Variants in MEOX2 observed in about 807,000 individuals in gnomAD.
MEOX2 encodes the protein homeobox protein MOX-2.
In MEOX2, 11 loss-of-function variants were observed where a neutral mutation model predicts 27.0. That is an observed-to-expected ratio of 0.41 (90% CI 0.26 to 0.68). The LOEUF (loss-of-function observed/expected upper bound fraction) is 0.68. Among genes scored for constraint, MEOX2 ranks in the 30% least tolerant of loss-of-function variants. The pLI is 0.33. For missense variants in MEOX2, 436 were observed against 385.4 expected, an observed-to-expected ratio of 1.13 and a Z score of -1.10; for synonymous variants, 189 against 155.4, an observed-to-expected ratio of 1.22 and a Z score of -1.61.
intron 1 of MEOX2, among the ~76,000 whole-genome samples, chr7:15,657,820 T>A (rs529406888): frequency 6.4e-4 from 97 of 152,354 alleles, no homozygotes; most frequent in South Asian, 3.5e-3. Flanking sequence ...GTATTATGTA[T>A]GGTACTCTTA....
intron 1 of MEOX2, among the ~76,000 whole-genome samples, chr7:15,633,132 C>T (rs1781427445): frequency 6.6e-6 from 1 of 151,918 alleles, no homozygotes; most frequent in Admixed American, 6.6e-5. Flanking sequence ...CTCTCCTATA[C>T]TAGAACGTAA....
Position 15,680,465 on chromosome 7 carries a change from A to G in MEOX2, c.517+5421T>C, listed in dbSNP as rs114983173. The G allele has an allele frequency of 3.7e-3, 561 of 152,124 alleles. 1 individual carries two copies. The highest frequency in any genetic ancestry group is 0.012 in the African/African-American group (480 of 41,570). 9.4% of individuals were successfully genotyped at this position (152,124 alleles called of 1,614,324 possible). A position where few individuals can be genotyped will look rare whatever the true frequency, so the allele number is the denominator to read the frequency against. ...CCATTCTAAGTTTTACTACATTAAA[A>G]CACATAAAATATTCTGCGAGGTTTT... On this transcript the variant is annotated intron_variant, in intron 1 of 2. Coordinates refer to ENST00000262041, the MANE Select transcript of MEOX2 (RefSeq NM_005924.5).
intron 1 of MEOX2, among the ~76,000 whole-genome samples, chr7:15,651,680 T>G (rs531449850): frequency 5.3e-5 from 8 of 152,004 alleles, no homozygotes; most frequent in Non-Finnish European, 1.0e-4. Flanking sequence ...CACTAGACTC[T>G]GTACTCTTGA....
intron 2 of MEOX2, among the ~76,000 whole-genome samples, chr7:15,616,596 T>G (rs1583736360): frequency 6.6e-6 from 1 of 151,970 alleles, no homozygotes; most frequent in Non-Finnish European, 1.5e-5. Context: ...AAAAAAACTT[T>G]TAGTTTTTGT....
At chr7:15,674,105 T>C (rs943327815) in intron 1 of MEOX2, among the ~76,000 whole-genome samples, 1 of 152,142 alleles carries the variant, frequency 6.6e-6, no homozygotes, top group South Asian at 2.1e-4. Flanking sequence ...ACAAGTAATA[T>C]CTAATAACAT....
intron 1 of MEOX2, among the ~76,000 whole-genome samples, chr7:15,685,291 T>C (rs1041848105): frequency 3.3e-5 from 5 of 151,750 alleles, no homozygotes; most frequent in Admixed American, 2.6e-4. Flanking sequence ...TCTTCCCCAA[T>C]AAAGGGAAAA....
intron 1 of MEOX2, among the ~76,000 whole-genome samples, chr7:15,647,219 C>T (rs567313380): frequency 7.2e-5 from 11 of 152,062 alleles, no homozygotes; most frequent in African/African-American, 2.6e-4. Context: ...GGTAATCATC[C>T]AATTCCCAGA....
chr7:15,621,515 T>G (rs76635640), intron 2 of MEOX2, among the ~76,000 whole-genome samples: 1 of 152,180 alleles, frequency 6.6e-6, no homozygotes, highest in Non-Finnish European at 1.5e-5. Flanking sequence ...CCATGACTAT[T>G]CTTCAGAATG....
chr7:15,667,289 C>CAAAGAAAAAAAAAA (rs1782023488), intron 1 of MEOX2, among the ~76,000 whole-genome samples: 1 of 40,980 alleles, frequency 2.4e-5, no homozygotes, highest in Non-Finnish European at 4.1e-5. Context: ...GACTCTGTCT[C>CAAAGAAAAAAAAAA]AAAAAAAAAA....
intron 1 of MEOX2, among the ~76,000 whole-genome samples, chr7:15,670,572 C>A (rs1281062205): frequency 2.0e-5 from 3 of 152,128 alleles, no homozygotes; most frequent in Non-Finnish European, 2.9e-5. Context: ...TCACTAGTAG[C>A]CACATATATC....
intron 1 of MEOX2, among the ~76,000 whole-genome samples, chr7:15,642,911 T>C (rs1781584619): frequency 6.6e-6 from 1 of 152,164 alleles, no homozygotes; most frequent in Non-Finnish European, 1.5e-5. Flanking sequence ...GTGGTTTTCT[T>C]AAGCGCTATT....
intron 1 of MEOX2, among the ~76,000 whole-genome samples, chr7:15,647,850 G>A (rs1345093172): frequency 6.6e-6 from 1 of 151,950 alleles, no homozygotes; most frequent in African/African-American, 2.4e-5. Context: ...TTACCATGGA[G>A]GCATTAGCTC....
intron 1 of MEOX2, among the ~76,000 whole-genome samples, chr7:15,658,272 C>T (rs1426608159): frequency 1.3e-5 from 2 of 152,134 alleles, no homozygotes; most frequent in Non-Finnish European, 2.9e-5. Context: ...GATTGGGGTT[C>T]TCATTAAAGC....
chr7:15,664,931 A>T (rs995796322), intron 1 of MEOX2, among the ~76,000 whole-genome samples: 6 of 152,218 alleles, frequency 3.9e-5, no homozygotes, highest in Admixed American at 1.3e-4. Context: ...AGCAAAAGTG[A>T]CTTTTGTGTT....
chr7:15,652,237 T>C (rs1162561116), intron 1 of MEOX2, among the ~76,000 whole-genome samples: 3 of 152,210 alleles, frequency 2.0e-5, no homozygotes, highest in African/African-American at 7.2e-5. Context: ...GTGACTGATT[T>C]ATAGGATATT....
chr7:15,657,165 G>A (rs1303242497), intron 1 of MEOX2, among the ~76,000 whole-genome samples: 1 of 152,042 alleles, frequency 6.6e-6, no homozygotes, highest in Non-Finnish European at 1.5e-5. Flanking sequence ...TGCGTTTAGT[G>A]TAAATTTATT....
chr7:15,660,324 G>A (rs1390354311), intron 1 of MEOX2, among the ~76,000 whole-genome samples: 1 of 152,064 alleles, frequency 6.6e-6, no homozygotes, highest in Non-Finnish European at 1.5e-5. Context: ...GAGCAACAGG[G>A]AGTATAAATA....
chr7:15,642,245 C>A (rs1469345650), intron 1 of MEOX2, among the ~76,000 whole-genome samples: 1 of 152,160 alleles, frequency 6.6e-6, no homozygotes, highest in Non-Finnish European at 1.5e-5. Flanking sequence ...CTCTGGAGAG[C>A]CTTCAAGTCA....
chr7:15,652,634 G>T (rs1486844080), intron 1 of MEOX2, among the ~76,000 whole-genome samples: 1 of 151,986 alleles, frequency 6.6e-6, no homozygotes, highest in African/African-American at 2.4e-5. Flanking sequence ...TTTTGAGATA[G>T]TTGTTGATTC....
Sources: gnomAD v4.1 joint callset for allele counts (sites outside exome capture counted in the v4.1 genomes callset) on GRCh38, gnomAD v4.1.1 for gene constraint, MANE v1.5 for transcripts, NCBI Gene and HGNC (gene_info 2026-07-23, HGNC 2026-07-21) for gene names.